The following DNAJC1 variants were observed in gnomAD, a reference collection of about 807,000 sequenced individuals.
DNAJC1 encodes the protein dnaJ homolog subfamily C member 1.
Under a neutral mutation model 76.6 loss-of-function variants are expected in DNAJC1, and 58 were observed. The ratio of observed to expected loss-of-function variants is 0.76; its 90% CI spans 0.61 to 0.94. The LOEUF is 0.94. Ranked by LOEUF, DNAJC1 falls within the 40% of genes least tolerant of loss-of-function variation. DNAJC1 has a pLI of 0.00. For missense variants in DNAJC1, 689 were observed against 677.3 expected (o/e 1.02, Z -0.19); for synonymous variants, 258 against 267.9 (o/e 0.96, Z 0.36).
chr10:21,895,158 G>A (rs1266209748), intron 7 of DNAJC1, among the ~76,000 whole-genome samples: 4 of 152,210 alleles, frequency 2.6e-5, no homozygotes, highest in African/African-American at 2.4e-5. Flanking sequence ...AGCCAGAATA[G>A]CTTTGAAGTG....
chr10:21,875,395 A>G (rs1378574476), intron 8 of DNAJC1, among the ~76,000 whole-genome samples: 1 of 152,184 alleles, frequency 6.6e-6, no homozygotes, highest in Non-Finnish European at 1.5e-5. Context: ...ACCTCAAACA[A>G]TCCTCCCACC....
At chr10:21,908,310 T>A (rs1271227676) in intron 6 of DNAJC1, among the ~76,000 whole-genome samples, 7 of 130,940 alleles carry the variant, frequency 5.3e-5, no homozygotes, top group African/African-American at 2.0e-4. Flanking sequence ...ATAATTAAAA[T>A]TACCTGAAAA....
intron 9 of DNAJC1, among the ~76,000 whole-genome samples, chr10:21,782,426 G>A (rs1273704618): frequency 6.6e-6 from 1 of 152,080 alleles, no homozygotes; most frequent in Non-Finnish European, 1.5e-5. Context: ...AAAAGTCCAG[G>A]ACCAGATGGA....
At chr10:21,794,077 C>T (rs985904364) in intron 9 of DNAJC1, among the ~76,000 whole-genome samples, 3 of 152,038 alleles carry the variant, frequency 2.0e-5, no homozygotes, top group African/African-American at 7.2e-5. Flanking sequence ...GAGTTTGAGA[C>T]CAGCCTTGGC....
intron 6 of DNAJC1, among the ~76,000 whole-genome samples, chr10:21,915,836 C>G (rs1836944372): frequency 6.6e-6 from 1 of 150,954 alleles, no homozygotes; most frequent in Non-Finnish European, 1.5e-5. Flanking sequence ...CTAGGGTACC[C>G]CCATCTCCCA....
chr10:21,993,916 A>T (rs915485636), intron 1 of DNAJC1, among the ~76,000 whole-genome samples: 4 of 151,968 alleles, frequency 2.6e-5, no homozygotes, highest in South Asian at 2.1e-4. Flanking sequence ...AACTTTTTTT[A>T]AAAAAATTGC....
intron 7 of DNAJC1, among the ~76,000 whole-genome samples, chr10:21,892,984 G>A (rs1836482695): frequency 6.6e-6 from 1 of 152,016 alleles, no homozygotes. Context: ...ATATAAATAA[G>A]CAATGATATA....
chr10:21,961,342 A>C (rs1590068869), intron 1 of DNAJC1, among the ~76,000 whole-genome samples: 1 of 152,218 alleles, frequency 6.6e-6, no homozygotes, highest in East Asian at 1.9e-4. Context: ...TCAACAGATA[A>C]ATGGATAAAC....
intron 8 of DNAJC1, among the ~76,000 whole-genome samples, chr10:21,840,414 C>G (rs1363546594): frequency 3.3e-5 from 5 of 152,150 alleles, no homozygotes; most frequent in South Asian, 2.1e-4. Flanking sequence ...TCTCAGGATA[C>G]AAAATCAATG....
chr10:21,897,659 G>A (rs542953460), intron 7 of DNAJC1, among the ~76,000 whole-genome samples: 3 of 152,272 alleles, frequency 2.0e-5, no homozygotes, highest in East Asian at 1.9e-4. Flanking sequence ...ATCCCCCACT[G>A]CCACCAGGTG....
chr10:21,931,954 C>A (rs1231265169), intron 1 of DNAJC1, among the ~76,000 whole-genome samples: 2 of 152,038 alleles, frequency 1.3e-5, no homozygotes, highest in African/African-American at 4.8e-5. Context: ...GCAAGCTAAC[C>A]ATGAATTATT....
At chr10:21,838,294 C>G (rs1329312232) in intron 8 of DNAJC1, among the ~76,000 whole-genome samples, 1 of 142,008 alleles carries the variant, frequency 7.0e-6, no homozygotes, top group African/African-American at 2.6e-5. Context: ...ATTCTTCTGC[C>G]TTGGGATGCT....
At chr10:21,846,117 C>T (rs1372880861) in intron 8 of DNAJC1, among the ~76,000 whole-genome samples, 4 of 152,088 alleles carry the variant, frequency 2.6e-5, no homozygotes, top group East Asian at 3.9e-4. Context: ...CTCATGTTAA[C>T]GCATCAGTAA....
chr10:21,832,369 C>A (rs1467158899), intron 8 of DNAJC1, among the ~76,000 whole-genome samples: 2 of 152,158 alleles, frequency 1.3e-5, no homozygotes, highest in Non-Finnish European at 2.9e-5. Flanking sequence ...GTAGTTACAT[C>A]TCTAGTTCTG....
chr10:21,875,890 A>T (rs1230991227), intron 8 of DNAJC1, among the ~76,000 whole-genome samples: 1 of 152,114 alleles, frequency 6.6e-6, no homozygotes, highest in African/African-American at 2.4e-5. Context: ...ATGCTGTTGC[A>T]CTTCAGCCTG....
At chr10:21,988,911 C>A (rs898626078) in intron 1 of DNAJC1, among the ~76,000 whole-genome samples, 1 of 152,204 alleles carries the variant, frequency 6.6e-6, no homozygotes, top group Non-Finnish European at 1.5e-5. Flanking sequence ...TAAATAGTTT[C>A]ACGACAGTTC....
In DNAJC1 at chr10:21,917,265, A is replaced by C. The variant is rs561127355; in HGVS notation, c.729+1514T>G. 2.5e-3 allele frequency among the ~76,000 whole-genome samples: 382 copies of C among 152,260 alleles called. 7 individuals are homozygous for C. The South Asian group carries it at 0.038, about 15-fold the overall frequency. ...CAGCTATCACAGGCAAGTATTTTAA[A>C]GTAAATTATAAATCTAAGCCATAAC... On this transcript the variant is annotated intron_variant, in intron 6 of 11. Transcript: ENST00000376980.
intron 6 of DNAJC1, among the ~76,000 whole-genome samples, chr10:21,908,412 A>T (rs1208086425): frequency 6.8e-6 from 1 of 147,478 alleles, no homozygotes; most frequent in Non-Finnish European, 1.5e-5. Context: ...TCTGTAAGGT[A>T]TGCTTTTGAA....
intron 9 of DNAJC1, among the ~76,000 whole-genome samples, chr10:21,792,099 T>C (rs1283991672): frequency 1.3e-5 from 2 of 152,134 alleles, no homozygotes; most frequent in Non-Finnish European, 2.9e-5. Flanking sequence ...TCAAGCACTT[T>C]CAGAGCACAA....
Sources: gnomAD v4.1 joint callset for allele counts (sites outside exome capture counted in the v4.1 genomes callset) on GRCh38, gnomAD v4.1.1 for gene constraint, MANE v1.5 for transcripts, NCBI Gene and HGNC (gene_info 2026-07-23, HGNC 2026-07-21) for gene names.